Variants in FLT4 observed in about 807,000 individuals in gnomAD.
The protein encoded by FLT4 is fms related receptor tyrosine kinase 4, also known as vascular endothelial growth factor receptor 3.
FLT4 carries 30 observed loss-of-function variants against 163.2 expected under a neutral mutation model. That is an observed-to-expected ratio of 0.18 (90% CI 0.14 to 0.25). The LOEUF (loss-of-function observed/expected upper bound fraction) is 0.25. FLT4 is among the 10% of genes least tolerant of loss of function. The probability of loss-of-function intolerance (pLI) is 1.00; values close to 1 mark genes in which losing one functional copy is unlikely to be tolerated. For missense variants in FLT4, 1,510 were observed against 1,863.8 expected (o/e 0.81, Z 3.50); for synonymous variants, 884 against 789.5 (o/e 1.12, Z -2.01).
At position 180,628,956 on chromosome 5, in the gene FLT4, C is replaced by T. The variant is rs746263046; in HGVS notation, c.1029G>A (p.Leu343=). The T allele has an allele frequency of 1.1e-5, 17 of 1,612,680 alleles. No individual in the cohort carries two copies. The East Asian group carries it at 3.8e-4, about 36-fold the overall frequency. The change falls in exon 8 of 30, where the codon CTG becomes CTA. Residue 343 remains leucine (L), a synonymous_variant. Transcript: ENST00000261937. ...ISVEWLKGPI[L]EATAGDELVK... is the part of the protein sequence containing the mutation. ...CCAGCTCGTCTCCTGCCGTGGCCTC[C>T]AGGATGGGTCCTTTGAGCCACTCGA...
At position 180,607,945 on chromosome 5, in the gene FLT4, T is replaced by A. The variant is rs1382930170; in HGVS notation, c.3893+1023A>T. ...CTCTTTGGTCAAGCAGTAACGCCAG[T>A]GTCTGGGAAGGCACCTGTTACTCAG... On this transcript the variant is annotated intron_variant, in intron 29 of 29. Coordinates refer to ENST00000261937, the MANE Select transcript of FLT4 (RefSeq NM_182925.5). The A allele has an allele frequency of 4.9e-6, 3 of 608,414 alleles. No individual in the cohort carries two copies. The African/African-American group carries it at 5.5e-5, about 11-fold the overall frequency. The allele number at this position is 608,414 out of a possible 1,614,324, so 37.7% of individuals were successfully genotyped here.
Position 180,603,358 on chromosome 5 carries a change from G to C in FLT4, c.3926C>G (p.Thr1309Ser), listed in dbSNP as rs1456880702. ...CCCTTGGGAGTCAGGGTGTGCCCTG[G>C]TCACAGCCACATTCTGGCCAGGTCC... ...CKGPGQNVAV[T>S]RAHPDSQGRR... The change falls in exon 30 of 30, where the codon ACC (threonine) becomes AGC (serine). Residue 1309 changes from threonine (T) to serine (S), a missense_variant. This residue lies in a region of FLT4 where 295 missense variants were observed against 311.0 expected (regional missense o/e 0.95). Transcript: ENST00000261937. The C allele has an allele frequency of 6.2e-7, 1 of 1,613,990 alleles. No individual in the cohort carries two copies. The highest frequency in any genetic ancestry group is 8.5e-7 in the Non-Finnish European group (1 of 1,180,022).
chr5:180,624,125 G>A, intron 10 of FLT4, 64 bp from the exon 11 acceptor site: 3 of 1,590,012 alleles, frequency 1.9e-6, no homozygotes, highest in Admixed American at 1.7e-5. Flanking sequence ...CACATGGGGG[G>A]CGGGGTCAAG....
intron 29 of FLT4, chr5:180,608,082 G>T (rs927524008): frequency 1.4e-6 from 1 of 700,264 alleles, no homozygotes; most frequent in Admixed American, 2.0e-5. Flanking sequence ...GTCATCCGGA[G>T]GCCTAACCCC....
At chr5:180,631,274 C>T (rs1344649009) in intron 2 of FLT4, among the ~76,000 whole-genome samples, 1 of 151,916 alleles carries the variant, frequency 6.6e-6, no homozygotes, top group African/African-American at 2.4e-5. Context: ...GAGATCAAGA[C>T]CATCCTGCTT....
At chr5:180,613,944 T>G in intron 24 of FLT4, 124 bp downstream of exon 24, 1 of 762,196 alleles carries the variant, frequency 1.3e-6, no homozygotes, top group South Asian at 1.4e-5. Context: ...ACAAACCACC[T>G]GCTTCAGAAC....
At chr5:180,603,678 G>T (rs1761629655) in intron 29 of FLT4, among the ~76,000 whole-genome samples, 1 of 152,200 alleles carries the variant, frequency 6.6e-6, no homozygotes, top group Non-Finnish European at 1.5e-5. Context: ...ACCGAGGCGG[G>T]CGGATCACGA....
At position 180,630,388 on chromosome 5, in the gene FLT4, G is replaced by C; in HGVS notation, c.401-51C>G. On this transcript the variant is annotated intron_variant, in intron 3 of 29. Transcript: ENST00000261937. The surrounding 1 kb of genome is among the most constrained non-coding windows in gnomAD (Gnocchi z 6.3). ...GGAAGGGACGTGGCGGCCAGGCTGGGGGAGGGCTCCACGGGGCTGGGTGGT... is the reference window on the plus strand; with the variant it reads ...GGAAGGGACGTGGCGGCCAGGCTGGCGGAGGGCTCCACGGGGCTGGGTGGT... The C allele has an allele frequency of 6.4e-7, 1 of 1,574,584 alleles. No individual in the cohort carries two copies.
chr5:180,640,307 C>G (rs1248011245), intron 1 of FLT4, among the ~76,000 whole-genome samples: 1 of 152,208 alleles, frequency 6.6e-6, no homozygotes, highest in Non-Finnish European at 1.5e-5. Flanking sequence ...AACTGAGGCG[C>G]CAGGCCTCAC....
At chr5:180,641,968 G>A (rs1322045635) in intron 1 of FLT4, among the ~76,000 whole-genome samples, 2 of 151,976 alleles carry the variant, frequency 1.3e-5, no homozygotes, top group South Asian at 2.1e-4. Context: ...CAGCACTTTG[G>A]GAGGCCAAGG....
At chr5:180,608,621 C>T (rs1392709559) in intron 29 of FLT4, among the ~76,000 whole-genome samples, 1 of 152,152 alleles carries the variant, frequency 6.6e-6, no homozygotes. Flanking sequence ...GGGTGAAGTT[C>T]CGGGGTTCTG....
At chr5:180,618,998 C>T (rs2127807384) in intron 20 of FLT4, 23 bp downstream of exon 20, 1 of 1,546,178 alleles carries the variant, frequency 6.5e-7, no homozygotes, top group South Asian at 1.2e-5. Flanking sequence ...CCGCCCGCGG[C>T]GCCCCGCAGG....
intron 24 of FLT4, 72 bp from the exon 25 acceptor site, chr5:180,613,182 ATCCTGTCCCTTCCCCATCAAGTCACCCCG>A: frequency 1.9e-6 from 2 of 1,072,566 alleles, no homozygotes; most frequent in East Asian, 2.4e-5. Flanking sequence ...AAGTCACCCC[ATCCTGTCCCTTCCCCATCAAGTCACCCCG>A]TCCTGTCCCT....
intron 1 of FLT4, among the ~76,000 whole-genome samples, chr5:180,644,433 A>C (rs963831501): frequency 1.3e-5 from 2 of 152,208 alleles, no homozygotes; most frequent in Non-Finnish European, 2.9e-5. Context: ...TAGAAATTGA[A>C]GAGTCCACCT....
chr5:180,603,903 T>TA (rs3053717), intron 29 of FLT4, among the ~76,000 whole-genome samples: 45,951 of 142,566 alleles, frequency 0.32, 7,288 homozygotes, highest in Middle Eastern at 0.41. Context: ...GACTCCATCT[T>TA]AAAAAAAAAA....
rs527697511 is a variant in FLT4, at chr5:180,620,668, C to T, written c.2347G>A (p.Gly783Ser). 7 of 1,613,520 alleles carry T rather than the reference C, an allele frequency of 4.3e-6. No individual in the cohort carries two copies. In the African/African-American group the frequency reaches 6.7e-5, roughly 15 times the overall value. ...ACCCAGAAGAAGACAGCGATGACGC[C>T]GGTACCGACAAGGATCACGATCTCC... ...SMEIVILVGTGVIAVFFWVLL... is the reference protein window; with the variant it reads ...SMEIVILVGTSVIAVFFWVLL... Residue 783 changes from glycine (G) to serine (S), a missense_variant, in exon 16 of 30, where the codon GGC becomes AGC. Gly to Ser is a moderately conservative substitution (Grantham distance 56). Transcript: ENST00000261937. This position sits in a 1 kb window ranked among gnomAD's most constrained non-coding sequence, Gnocchi z 4.4.
chr5:180,618,710 A>G, intron 21 of FLT4, 60 bp downstream of exon 21: 1 of 1,550,796 alleles, frequency 6.4e-7, no homozygotes, highest in South Asian at 1.2e-5. Flanking sequence ...GGGGTGCCTG[A>G]TCACGGGATA....
Position 180,618,895 on chromosome 5 carries a change from CG to C in FLT4, c.2875del (p.Arg959AlafsTer48). 6.3e-7 allele frequency: 1 copy of C among 1,587,116 alleles called. No homozygotes were observed. The highest frequency in any genetic ancestry group is 1.8e-5 in the Admixed American group (1 of 56,424). On this transcript the variant is annotated frameshift_variant, in exon 21 of 30. Transcript: ENST00000261937. LOFTEE classifies it high-confidence loss of function. ...CAEKSPEQRG[R>X]FRAMVELARL... Reference sequence around the variant, plus strand: ...GGCGAGCTCCACCATGGCGCGGAAGCGTCCGCGCTGCTCGGGAGACTTCTCC... The same window carrying C: ...GGCGAGCTCCACCATGGCGCGGAAGCTCCGCGCTGCTCGGGAGACTTCTCC...
intron 10 of FLT4, among the ~76,000 whole-genome samples, chr5:180,624,795 G>C (rs1005132478): frequency 6.6e-6 from 1 of 152,244 alleles, no homozygotes; most frequent in Non-Finnish European, 1.5e-5. Context: ...TCTGGGCAGG[G>C]TGTGCATCCC....
Sources: allele counts gnomAD v4.1 joint callset (sites outside exome capture counted in the v4.1 genomes callset), GRCh38; gene constraint gnomAD v4.1.1; regional missense constraint gnomAD v4.1.1; non-coding constraint Gnocchi (gnomAD v3.1); transcripts MANE v1.5; gene names NCBI Gene and HGNC (gene_info 2026-07-23, HGNC 2026-07-21).